The following IGDCC3 variants were observed in gnomAD, a reference collection of about 807,000 sequenced individuals.
IGDCC3 encodes the protein immunoglobulin superfamily DCC subclass member 3, also known as putative neuronal cell adhesion molecule.
A neutral mutation model predicts 72.0 loss-of-function variants in IGDCC3; 47 were observed. The ratio of observed to expected loss-of-function variants is 0.65; its 90% CI spans 0.52 to 0.83. The LOEUF (loss-of-function observed/expected upper bound fraction) is 0.83. Among genes scored for constraint, IGDCC3 ranks in the 40% least tolerant of loss-of-function variants. The probability of loss-of-function intolerance (pLI) is 0.00; values close to 1 mark genes in which losing one functional copy is unlikely to be tolerated. For synonymous variants in IGDCC3, 477 were observed against 472.8 expected (o/e 1.01, Z -0.11); for missense variants, 1,038 against 1,091.3 (o/e 0.95, Z 0.69).
In IGDCC3 at chr15:65,377,196, C is replaced by G. The variant is rs142088590; in HGVS notation, c.103+490G>C. ...CTCCCGCGCACTCCTCAGCCCAGTA[C>G]CAGCTCCAAATGCAGGTCGTGCCAT... On this transcript the variant is annotated intron_variant, in intron 1 of 13. Coordinates refer to ENST00000327987, the MANE Select transcript of IGDCC3 (RefSeq NM_004884.4). This position sits in a 1 kb window ranked among gnomAD's most constrained non-coding sequence, Gnocchi z 4.9. 2.0e-5 allele frequency among the ~76,000 whole-genome samples: 3 copies of G among 152,300 alleles called. No homozygotes were observed. The highest frequency in any genetic ancestry group is 4.1e-4 in the South Asian group (2 of 4,820).
chr15:65,359,168 G>T (rs1282805774), intron 2 of IGDCC3, among the ~76,000 whole-genome samples: 3 of 152,186 alleles, frequency 2.0e-5, no homozygotes, highest in Non-Finnish European at 4.4e-5. Context: ...AAGACCATGA[G>T]TAACTTTAAA....
Position 65,328,917 on chromosome 15 carries a change from C to A in IGDCC3, c.2437G>T (p.Glu813Ter). The change falls in exon 14 of 14, where the codon GAA becomes TAA. Residue 813 changes from glutamate (E) to a stop codon, truncating the protein, a stop_gained. Coordinates refer to ENST00000327987, the MANE Select transcript of IGDCC3 (RefSeq NM_004884.4). LOFTEE classifies it high-confidence loss of function. ...AARVTQPAHS[E>*]Q ...AGCCTGCCAGACACTGGCTACTGTTCCGAGTGAGCTGGCTGGGTAACCCGG... is the reference window on the plus strand; with the variant it reads ...AGCCTGCCAGACACTGGCTACTGTTACGAGTGAGCTGGCTGGGTAACCCGG... 6.5e-7 allele frequency: 1 copy of A among 1,539,730 alleles called. No homozygotes were observed. The highest frequency in any genetic ancestry group is 8.7e-7 in the Non-Finnish European group (1 of 1,147,088).
chr15:65,335,838 T>G lies in IGDCC3; in HGVS notation c.528A>C (p.Arg176Ser). Residue 176 changes from arginine (R) to serine (S), a missense_variant, in exon 3 of 14, where the codon AGA becomes AGC. Coordinates refer to ENST00000327987, the MANE Select transcript of IGDCC3 (RefSeq NM_004884.4). ...TCTCATTGTCCGTGTCAATTGGGAC[T>G]CTGTTCTTCTCCCAAGTGATCAGGG... Reference protein sequence around the residue: ...PKPLITWEKNRVPIDTDNERY... With the variant: ...PKPLITWEKNSVPIDTDNERY... 6.2e-7 allele frequency: 1 copy of G among 1,614,222 alleles called. No individual in the cohort carries two copies. The highest frequency in any genetic ancestry group is 8.5e-7 in the Non-Finnish European group (1 of 1,180,028).
intron 2 of IGDCC3, among the ~76,000 whole-genome samples, chr15:65,344,092 T>C (rs1205243119): frequency 6.6e-6 from 1 of 152,178 alleles, no homozygotes; most frequent in Non-Finnish European, 1.5e-5. Context: ...CAAAGGAGCA[T>C]CTGAGAGTTG....
Position 65,334,855 on chromosome 15 carries a change from A to C in IGDCC3, c.696T>G (p.Ser232=). The C allele has an allele frequency of 6.2e-7, 1 of 1,612,242 alleles. No homozygotes were observed. Among genetic ancestry groups the C allele is most frequent in the Non-Finnish European group, 8.5e-7 (1 of 1,179,310 alleles). ...GGATGGCTGGCTCCTTGTAGGCCCC[A>C]GAGCCCGAGCCTGGGAGGAAGACGC... ...GARLTVSGSG[S]GAYKEPAILV... The change falls in exon 5 of 14, where the codon TCT becomes TCG. Residue 232 remains serine (S), a synonymous_variant. Transcript: ENST00000327987.
chr15:65,351,404 G>C (rs1307506283), intron 2 of IGDCC3, among the ~76,000 whole-genome samples: 1 of 151,934 alleles, frequency 6.6e-6, no homozygotes. Context: ...TATGGTGGCG[G>C]GTGCCTGTAG....
intron 2 of IGDCC3, among the ~76,000 whole-genome samples, chr15:65,363,865 C>A (rs1316729155): frequency 6.6e-6 from 1 of 152,196 alleles, no homozygotes; most frequent in African/African-American, 2.4e-5. Flanking sequence ...CAACTCCCAC[C>A]TCTACCTCCA....
intron 2 of IGDCC3, among the ~76,000 whole-genome samples, chr15:65,372,479 G>A (rs2091332173): frequency 6.6e-6 from 1 of 152,220 alleles, no homozygotes; most frequent in South Asian, 2.1e-4. Flanking sequence ...TGGTCAGGCT[G>A]TCTTTTGAGG....
intron 2 of IGDCC3, among the ~76,000 whole-genome samples, chr15:65,369,912 C>T (rs771080793): frequency 1.1e-4 from 17 of 152,176 alleles, no homozygotes; most frequent in Non-Finnish European, 2.1e-4. Flanking sequence ...GCCCCCAGAG[C>T]CACACACCAT....
chr15:65,366,641 A>G (rs1336743176), intron 2 of IGDCC3, among the ~76,000 whole-genome samples: 2 of 152,172 alleles, frequency 1.3e-5, no homozygotes, highest in Non-Finnish European at 2.9e-5. Context: ...AGCCCTTTGC[A>G]TCACATTTCC....
In IGDCC3 at chr15:65,335,403, C is replaced by A; in HGVS notation, c.573G>T (p.Lys191Asn). The change falls in exon 4 of 14, where the codon AAG (lysine) becomes AAT (asparagine). Residue 191 changes from lysine to asparagine, a missense_variant. Coordinates refer to ENST00000327987, the MANE Select transcript of IGDCC3 (RefSeq NM_004884.4). ...TDNERYTLLP[K>N]GVLQITGLRA... ...GAAGTCCTGTGATCTGCAGGACCCC[C>A]TTGGGCAGCAATGTGTACCTGTTGA... is the stretch of plus-strand genomic sequence containing the variant. 6.2e-7 allele frequency: 1 copy of A among 1,612,522 alleles called. No homozygotes were observed. Among genetic ancestry groups the A allele is most frequent in the Non-Finnish European group, 8.5e-7 (1 of 1,179,214 alleles).
chr15:65,328,316 T>TTTTA lies in IGDCC3; in HGVS notation c.*592_*593insTAAA, dbSNP rs1487215667. ...AGTGCTTTTTTTTTTTTTTTTTTTTTTACTCTGGACAACAGTGTGGGAAGG... is the reference window on the plus strand; with the variant it reads ...AGTGCTTTTTTTTTTTTTTTTTTTTTTTTATACTCTGGACAACAGTGTGGGAAGG... On this transcript the variant is annotated 3_prime_UTR_variant, in exon 14 of 14. Transcript: ENST00000327987. 6.2e-5 allele frequency: 9 copies of TTTTA among 144,122 alleles called. No individual in the cohort carries two copies. The highest frequency in any genetic ancestry group is 1.0e-4 in the African/African-American group (4 of 39,988). 8.9% of individuals were successfully genotyped at this position (144,122 alleles called of 1,614,324 possible).
intron 2 of IGDCC3, among the ~76,000 whole-genome samples, chr15:65,352,198 A>G (rs1285742658): frequency 6.6e-6 from 1 of 152,156 alleles, no homozygotes; most frequent in Non-Finnish European, 1.5e-5. Flanking sequence ...AATTTTTTTG[A>G]GCTATTTGCA....
At chr15:65,360,003 C>T (rs2091250156) in intron 2 of IGDCC3, among the ~76,000 whole-genome samples, 3 of 152,126 alleles carry the variant, frequency 2.0e-5, no homozygotes, top group Non-Finnish European at 4.4e-5. Context: ...CATTCTCTCA[C>T]CCTCATCAGA....
chr15:65,377,654 G>A lies in IGDCC3; in HGVS notation c.103+32C>T. 3 of 1,426,152 alleles carry A rather than the reference G, an allele frequency of 2.1e-6. No individual in the cohort carries two copies. The highest frequency in any genetic ancestry group is 2.7e-6 in the Non-Finnish European group (3 of 1,095,190). 88.3% of individuals were successfully genotyped at this position (1,426,152 alleles called of 1,614,324 possible). A position where few individuals can be genotyped will look rare whatever the true frequency, so the allele number is the denominator to read the frequency against. ...GCTCGCCCTTCCCCTGGCTCCGTCC[G>A]CAACCGCCCGGTCCGGGGCGCTTTC... On this transcript the variant is annotated intron_variant, in intron 1 of 13. Transcript: ENST00000327987. This position sits in a 1 kb window ranked among gnomAD's most constrained non-coding sequence, Gnocchi z 4.9.
At chr15:65,351,304 A>G (rs997865131) in intron 2 of IGDCC3, among the ~76,000 whole-genome samples, 2 of 152,246 alleles carry the variant, frequency 1.3e-5, no homozygotes, top group East Asian at 1.9e-4. Context: ...TGGGAGGCCA[A>G]GGTGGGCAGA....
chr15:65,333,468 A>G, intron 5 of IGDCC3, 53 bp from the exon 6 acceptor site: 3 of 1,468,540 alleles, frequency 2.0e-6, no homozygotes, highest in Non-Finnish European at 2.7e-6. Context: ...GATATGGAAG[A>G]AGGAAAGTAA....
chr15:65,377,759 G>C lies in IGDCC3; in HGVS notation c.30C>G (p.Arg10=). Reference sequence around the variant, plus strand: ...GGGGCCAGAGCGGGGCGGGCGGGCGGCGCGGAGACGCGGCGCGCTGCACAG... The same window carrying C: ...GGGGCCAGAGCGGGGCGGGCGGGCGCCGCGGAGACGCGGCGCGCTGCACAG... The part of the protein sequence containing the change: MAVQRAASP[R]RPPAPLWPRL... Residue 10 remains arginine, a synonymous_variant, in exon 1 of 14, where the codon CGC becomes CGG. Coordinates refer to ENST00000327987, the MANE Select transcript of IGDCC3 (RefSeq NM_004884.4). The surrounding 1 kb of genome is among the most constrained non-coding windows in gnomAD (Gnocchi z 4.9). 1 of 1,304,676 alleles carries C rather than the reference G, an allele frequency of 7.7e-7. No individual in the cohort carries two copies. Among genetic ancestry groups the C allele is most frequent in the Non-Finnish European group, 9.7e-7 (1 of 1,032,444 alleles). The allele number at this position is 1,304,676 out of a possible 1,614,324, so 80.8% of individuals were successfully genotyped here.
intron 5 of IGDCC3, among the ~76,000 whole-genome samples, chr15:65,334,007 C>A (rs1228943516): frequency 1.4e-5 from 2 of 147,832 alleles, no homozygotes; most frequent in South Asian, 2.2e-4. Flanking sequence ...CCACCAGGAT[C>A]AGATTAGCAC....
Sources: allele counts gnomAD v4.1 joint callset (sites outside exome capture counted in the v4.1 genomes callset), GRCh38; gene constraint gnomAD v4.1.1; non-coding constraint Gnocchi (gnomAD v3.1); transcripts MANE v1.5; gene names NCBI Gene and HGNC (gene_info 2026-07-23, HGNC 2026-07-21).